Variants in SLC12A6 observed in about 807,000 individuals in gnomAD.
The protein encoded by SLC12A6 is K-Cl cotransporter 3.
In SLC12A6, 66 loss-of-function variants were observed where a neutral mutation model predicts 135.3. The observed-to-expected ratio is 0.49, with a 90% CI of 0.40 to 0.60. SLC12A6 has a LOEUF of 0.60. Among genes scored for constraint, SLC12A6 ranks in the 20% least tolerant of loss-of-function variants. SLC12A6 has a pLI of 0.00. For synonymous variants in SLC12A6, 513 were observed against 508.8 expected, an observed-to-expected ratio of 1.01 and a Z score of -0.11; for missense variants, 1,058 against 1,452.3, an observed-to-expected ratio of 0.73 and a Z score of 4.41.
chr15:34,282,326 T>C (rs1161996391), intron 2 of SLC12A6, among the ~76,000 whole-genome samples: 1 of 152,206 alleles, frequency 6.6e-6, no homozygotes, highest in Non-Finnish European at 1.5e-5. Context: ...AAAAGAAGAA[T>C]ATAATATTCA....
At position 34,250,646 on chromosome 15, in the gene SLC12A6, T is replaced by C. The variant is rs1555379629; in HGVS notation, c.1576A>G (p.Thr526Ala). Reference sequence around the variant, plus strand: ...AAAAGGATACAAACAAAGGAGGTGGTCAGGATGGCAAGGATAGTACCAATC... The same window carrying C: ...AAAAGGATACAAACAAAGGAGGTGGCCAGGATGGCAAGGATAGTACCAATC... ...IPIGTILAILTTSFVYLSNVV... is the reference protein window; with the variant it reads ...IPIGTILAILATSFVYLSNVV... The change falls in exon 12 of 26, where the codon ACC becomes GCC. Residue 526 changes from threonine (T) to alanine (A), a missense_variant. Around this residue, in one of 6 missense-constraint regions of SLC12A6, gnomAD observed 297 missense variants for 318.5 expected, o/e 0.93. Coordinates refer to ENST00000354181, the MANE Select transcript of SLC12A6 (RefSeq NM_001365088.1). 1 of 1,578,098 alleles carries C rather than the reference T, an allele frequency of 6.3e-7. No individual in the cohort carries two copies. The highest frequency in any genetic ancestry group is 8.7e-7 in the Non-Finnish European group (1 of 1,147,358).
chr15:34,270,831 CAAA>C (rs60975779), intron 3 of SLC12A6, among the ~76,000 whole-genome samples: 6 of 118,886 alleles, frequency 5.0e-5, no homozygotes, highest in Admixed American at 8.5e-5. Flanking sequence ...AAACAAAAAA[CAAA>C]AAAAAAAAAA....
intron 4 of SLC12A6, among the ~76,000 whole-genome samples, chr15:34,260,340 G>A (rs1158947897): frequency 1.3e-5 from 2 of 152,116 alleles, no homozygotes; most frequent in African/African-American, 2.4e-5. Context: ...CTCACTGCAA[G>A]CTCTGCCTCC....
At chr15:34,241,108 G>C (rs1891612575) in intron 18 of SLC12A6, 125 bp downstream of exon 18, 2 of 718,904 alleles carry the variant, frequency 2.8e-6, no homozygotes, top group African/African-American at 1.8e-5. Context: ...ATTTAGAATA[G>C]TTCAAAACAG....
At chr15:34,249,604 A>C (rs548763761) in intron 13 of SLC12A6, among the ~76,000 whole-genome samples, 1 of 152,042 alleles carries the variant, frequency 6.6e-6, no homozygotes, top group South Asian at 2.1e-4. Flanking sequence ...GAGAAGAGAA[A>C]AGAACAGAAT....
Position 34,231,408 on chromosome 15 carries a change from T to C in SLC12A6, c.*2473A>G, listed in dbSNP as rs2140614643. On this transcript the variant is annotated 3_prime_UTR_variant, in exon 26 of 26. Transcript: ENST00000354181. ...CTGGATCCTGCAGGACATGACTCAC[T>C]ACTGTTAAACTCAACTAAGCAATGG... 1 of 151,206 alleles carries C rather than the reference T, an allele frequency of 6.6e-6. No homozygotes were observed. Among genetic ancestry groups the C allele is most frequent in the Middle Eastern group, 3.4e-3 (1 of 292 alleles). 9.4% of individuals were successfully genotyped at this position (151,206 alleles called of 1,614,324 possible).
chr15:34,235,200 G>A lies in SLC12A6; in HGVS notation c.3342C>T (p.Asn1114=), dbSNP rs745740236. 8.7e-6 allele frequency: 14 copies of A among 1,614,022 alleles called. No homozygotes were observed. Among genetic ancestry groups the A allele is most frequent in the Non-Finnish European group, 1.2e-5 (14 of 1,179,860 alleles). ...VLLNMPGPPR[N]PEGDENYMEF... ...GGATACAGTTTTCATCACCCTCAGG[G>A]TTTCGGGGTGGCCCTGGCATATTCA... is the stretch of plus-strand genomic sequence containing the variant. Residue 1114 remains asparagine (N), a synonymous_variant, in exon 25 of 26, where the codon AAC becomes AAT. Coordinates refer to ENST00000354181, the MANE Select transcript of SLC12A6 (RefSeq NM_001365088.1).
chr15:34,313,564 C>A (rs1348683850), intron 2 of SLC12A6, among the ~76,000 whole-genome samples: 1 of 152,160 alleles, frequency 6.6e-6, no homozygotes, highest in African/African-American at 2.4e-5. Flanking sequence ...GAAGCTATAG[C>A]AAGTTATCCA....
chr15:34,333,995 G>A (rs941133691), intron 2 of SLC12A6, among the ~76,000 whole-genome samples: 2 of 151,782 alleles, frequency 1.3e-5, no homozygotes, highest in Non-Finnish European at 1.5e-5. Context: ...ACTGGAACCC[G>A]GGAGACAGAG....
chr15:34,263,364 C>G (rs1893284487), intron 3 of SLC12A6, among the ~76,000 whole-genome samples: 1 of 152,070 alleles, frequency 6.6e-6, no homozygotes, highest in Admixed American at 6.6e-5. Context: ...TAAGCTGTGA[C>G]TGATCCACTG....
chr15:34,261,279 CT>C (rs1328602188), intron 3 of SLC12A6, among the ~76,000 whole-genome samples: 5 of 152,078 alleles, frequency 3.3e-5, no homozygotes, highest in Non-Finnish European at 7.4e-5. Context: ...AGACGCTATT[CT>C]TTTGGAATTC....
chr15:34,247,798 G>C (rs1466646112), intron 13 of SLC12A6, among the ~76,000 whole-genome samples: 1 of 151,620 alleles, frequency 6.6e-6, no homozygotes, highest in African/African-American at 2.4e-5. Context: ...TCAACCTCCT[G>C]GGTTCAAGTG....
intron 2 of SLC12A6, among the ~76,000 whole-genome samples, 186 bp from the exon 3 acceptor site, chr15:34,275,575 A>G (rs751533467): frequency 2.0e-5 from 3 of 152,218 alleles, no homozygotes; most frequent in Admixed American, 6.5e-5. Context: ...TAGCTCAAAA[A>G]GTTAAACATA....
intron 2 of SLC12A6, chr15:34,318,894 T>A (rs1429798979): frequency 8.2e-7 from 1 of 1,215,544 alleles, no homozygotes; most frequent in Non-Finnish European, 1.1e-6. Flanking sequence ...TATCATTCAC[T>A]TAAAAGGATT....
At chr15:34,312,255 G>C (rs1319616037) in intron 2 of SLC12A6, among the ~76,000 whole-genome samples, 3 of 152,182 alleles carry the variant, frequency 2.0e-5, no homozygotes, top group Middle Eastern at 3.2e-3. Context: ...TGCTGCCTTT[G>C]GTGGGGATCC....
At chr15:34,246,609 C>T (rs1892007379) in intron 13 of SLC12A6, among the ~76,000 whole-genome samples, 1 of 151,712 alleles carries the variant, frequency 6.6e-6, no homozygotes, top group Non-Finnish European at 1.5e-5. Context: ...TCTTTATGCA[C>T]ATATCTACAT....
At chr15:34,238,782 A>G in intron 20 of SLC12A6, 183 bp downstream of exon 20, 1 of 700,370 alleles carries the variant, frequency 1.4e-6, no homozygotes, top group Admixed American at 2.1e-5. Context: ...ATTCATGAAC[A>G]TAATGTGAAG....
At chr15:34,235,977 G>A in intron 24 of SLC12A6, 38 bp downstream of exon 24, 1 of 1,512,654 alleles carries the variant, frequency 6.6e-7, no homozygotes, top group Non-Finnish European at 9.2e-7. Context: ...CCACTGATTA[G>A]GTAATTTTAT....
Position 34,240,851 on chromosome 15 carries a change from T to A in SLC12A6, c.2268-22A>T, listed in dbSNP as rs1271338737. On this transcript the variant is annotated intron_variant, in intron 18 of 25. Coordinates refer to ENST00000354181, the MANE Select transcript of SLC12A6 (RefSeq NM_001365088.1). Reference sequence around the variant, plus strand: ...AGGCCTGTGAAGAGGTTGGTGGGGGTTGGAGGGGAGGAGAAAACATTTTGG... The same window carrying A: ...AGGCCTGTGAAGAGGTTGGTGGGGGATGGAGGGGAGGAGAAAACATTTTGG... 3 of 1,601,428 alleles carry A rather than the reference T, an allele frequency of 1.9e-6. No individual in the cohort carries two copies. The South Asian group carries it at 3.3e-5, about 18-fold the overall frequency.
Sources: allele counts gnomAD v4.1 joint callset (sites outside exome capture counted in the v4.1 genomes callset), GRCh38; gene constraint gnomAD v4.1.1; regional missense constraint gnomAD v4.1.1; transcripts MANE v1.5; gene names NCBI Gene and HGNC (gene_info 2026-07-23, HGNC 2026-07-21).